MEG3: variants seen among roughly 807,000 people sequenced by gnomAD.
MEG3 encodes the protein maternally expressed 3.
At chr14:100,840,717 A>G (rs2139969701) in intron 2 of MEG3, among the ~76,000 whole-genome samples, 1 of 152,322 alleles carries the variant, frequency 6.6e-6, no homozygotes, top group African/African-American at 2.4e-5. Context: ...GTTTCTTAGC[A>G]AAGGGGAATC....
chr14:100,832,215 A>G (rs2037415945), downstream of MEG3: 2 of 152,252 alleles, frequency 1.3e-5, no homozygotes, highest in African/African-American at 4.8e-5. Context: ...AAAGAAAGCA[A>G]ATGGGAAGAA....
upstream of MEG3, chr14:100,856,640 C>T (rs2140008153): frequency 6.5e-6 from 1 of 152,788 alleles, no homozygotes; most frequent in Middle Eastern, 3.4e-3. Context: ...ATCTCTAAAC[C>T]TGGAGGGGTA....
intron 2 of MEG3, among the ~76,000 whole-genome samples, chr14:100,844,237 CT>C (rs2037846640): frequency 6.6e-6 from 1 of 152,138 alleles, no homozygotes; most frequent in African/African-American, 2.4e-5. Flanking sequence ...TGGTCTCCCC[CT>C]GGCTTCCTGT....
At chr14:100,850,660 A>T (rs1029944604) in intron 3 of MEG3, 1 of 152,132 alleles carries the variant, frequency 6.6e-6, no homozygotes, top group African/African-American at 2.4e-5. Context: ...AGGAAGAGTG[A>T]GAGGAAGAAA....
chr14:100,840,754 T>C (rs1203636849), intron 2 of MEG3, among the ~76,000 whole-genome samples: 1 of 152,142 alleles, frequency 6.6e-6, no homozygotes, highest in African/African-American at 2.4e-5. Flanking sequence ...TAAACAAAAA[T>C]TTGATCAACC....
Position 100,845,807 on chromosome 14 carries a change from C to T in MEG3, n.3121+274C>T, listed in dbSNP as rs2037902857. On this transcript the variant is annotated intron_variant and non_coding_transcript_variant, in intron 3 of 3. Transcript: ENST00000398461. The surrounding 1 kb of genome is among the most constrained non-coding windows in gnomAD (Gnocchi z 5.2). The stretch of plus-strand genomic sequence containing the variant: ...CAAATGTCGGACCCCAAAAGAATTT[C>T]TTCTTTTTCACTCTTCTAAATGAAT... The T allele has an allele frequency of 4.6e-6, 1 of 217,434 alleles. No homozygotes were observed. Among genetic ancestry groups the T allele is most frequent in the African/African-American group, 2.4e-5 (1 of 42,288 alleles). 13.5% of individuals were successfully genotyped at this position (217,434 alleles called of 1,614,324 possible).
exon 1 of MEG3, chr14:100,858,708 C>T (rs967959096): frequency 2.0e-5 from 3 of 153,166 alleles, no homozygotes; most frequent in Non-Finnish European, 2.9e-5. Context: ...ACGTGGGTCC[C>T]CTGATTCTCT....
upstream of MEG3, chr14:100,857,216 T>C (rs931287670): frequency 6.6e-6 from 1 of 152,222 alleles, no homozygotes; most frequent in Non-Finnish European, 1.5e-5. Context: ...TTGATGGAAC[T>C]TGAGCTGTCT....
chr14:100,839,194 C>T (rs79891045), intron 2 of MEG3, among the ~76,000 whole-genome samples: 4,990 of 152,174 alleles, frequency 0.033, 139 homozygotes, highest in South Asian at 0.086. Flanking sequence ...GAGACAGATT[C>T]AGGTCCCAAA....
rs1238107371 is a variant in MEG3 at position 100,828,297 on chromosome 14, A to G, written n.372-411A>G. ...TTGAGTTGCGCACACGCACACAGCT[A>G]ACACTTGTGACCTGTCAGTCAAATC... On this transcript the variant is annotated intron_variant and non_coding_transcript_variant, in intron 1 of 2. Coordinates refer to ENST00000556407, the Ensembl canonical transcript of MEG3. Among the ~76,000 whole-genome samples, 4 of 151,954 alleles carry G rather than the reference A, an allele frequency of 2.6e-5. No homozygotes were observed. The East Asian group carries it at 7.8e-4, about 30-fold the overall frequency.
intron 2 of MEG3, among the ~76,000 whole-genome samples, chr14:100,840,017 G>A (rs1018976787): frequency 2.0e-5 from 3 of 152,176 alleles, no homozygotes; most frequent in Admixed American, 6.5e-5. Flanking sequence ...CTCAGCTCGC[G>A]TCACCCCTGA....
At chr14:100,835,090 T>C (rs1220082530) in exon 1 of MEG3, 5 of 337,538 alleles carry the variant, frequency 1.5e-5, no homozygotes, top group South Asian at 7.0e-5. Flanking sequence ...TGTGGCTCCA[T>C]AGAGGTAGGC....
chr14:100,833,765 C>T (rs551435205), downstream of MEG3: 1 of 152,254 alleles, frequency 6.6e-6, no homozygotes, highest in Non-Finnish European at 1.5e-5. Flanking sequence ...ATGATTAAAT[C>T]ACTCCAATTA....
chr14:100,860,746 G>A (rs142677044), intron 1 of MEG3: 2 of 456,054 alleles, frequency 4.4e-6, no homozygotes, highest in South Asian at 3.1e-5. Flanking sequence ...GCTGGACCCA[G>A]AGACTCTGGA....
Position 100,834,631 on chromosome 14 carries a change from G to T in MEG3, n.1663G>T, listed in dbSNP as rs934263864. ...ATCTCCCTCTCTTTGTCCCTCCCCAGTTCCTGACCTGGCCATCCCGGGGTG... is the reference window on the plus strand; with the variant it reads ...ATCTCCCTCTCTTTGTCCCTCCCCATTTCCTGACCTGGCCATCCCGGGGTG... On this transcript the variant is annotated non_coding_transcript_exon_variant, in exon 1 of 4. Transcript: ENST00000398461. 4 of 454,582 alleles carry T rather than the reference G, an allele frequency of 8.8e-6. No homozygotes were observed. The highest frequency in any genetic ancestry group is 7.1e-5 in the Admixed American group (3 of 42,442). The allele number at this position is 454,582 out of a possible 1,614,324, so 28.2% of individuals were successfully genotyped here.
rs181281301 is a variant in MEG3 at position 100,837,023 on chromosome 14, C to A, written n.3045+723C>A. 4.8e-3 allele frequency among the ~76,000 whole-genome samples: 733 copies of A among 152,304 alleles called. 9 individuals are homozygous for A. The highest frequency in any genetic ancestry group is 3.9e-3 in the Non-Finnish European group (268 of 68,028). On this transcript the variant is annotated intron_variant and non_coding_transcript_variant, in intron 2 of 3. Transcript: ENST00000398461. The surrounding 1 kb of genome is among the most constrained non-coding windows in gnomAD (Gnocchi z 5.8). ...TACTAATTCAAGATGCAGCCGGGAGCCGTCCAGGGCTCGGGCCTGGGGTTG... is the reference window on the plus strand; with the variant it reads ...TACTAATTCAAGATGCAGCCGGGAGACGTCCAGGGCTCGGGCCTGGGGTTG...
rs1459346033 is a variant in MEG3, at chr14:100,845,522, C to T, written n.3110C>T. On this transcript the variant is annotated non_coding_transcript_exon_variant, in exon 3 of 4. Coordinates refer to the MEG3 transcript ENST00000398461. This position sits in a 1 kb window ranked among gnomAD's most constrained non-coding sequence, Gnocchi z 5.2. ...CGAATGTGGGACCCCAGCCCCTCTCCAGCTCGAAATCGTAAGTGGCTGGAG... is the reference window on the plus strand; with the variant it reads ...CGAATGTGGGACCCCAGCCCCTCTCTAGCTCGAAATCGTAAGTGGCTGGAG... The T allele has an allele frequency of 2.2e-6, 1 of 456,646 alleles. No individual in the cohort carries two copies. Among genetic ancestry groups the T allele is most frequent in the African/African-American group, 2.0e-5 (1 of 50,092 alleles). The allele number at this position is 456,646 out of a possible 1,614,324, so 28.3% of individuals were successfully genotyped here. A position where few individuals can be genotyped will look rare whatever the true frequency, so the allele number is the denominator to read the frequency against.
intron 2 of MEG3, among the ~76,000 whole-genome samples, chr14:100,840,297 T>C (rs991734081): frequency 6.6e-6 from 1 of 152,126 alleles, no homozygotes; most frequent in African/African-American, 2.4e-5. Flanking sequence ...GAGCAGTGAA[T>C]AGGGTCTTTG....
intron 2 of MEG3, among the ~76,000 whole-genome samples, chr14:100,840,232 C>G (rs1295483532): frequency 6.6e-6 from 1 of 152,196 alleles, no homozygotes; most frequent in Non-Finnish European, 1.5e-5. Flanking sequence ...GTTCTTAAGT[C>G]CCCTATCCTG....
Sources: allele counts gnomAD v4.1 joint callset (sites outside exome capture counted in the v4.1 genomes callset), GRCh38; gene constraint gnomAD v4.1.1; non-coding constraint Gnocchi (gnomAD v3.1); transcripts MANE v1.5; gene names NCBI Gene and HGNC (gene_info 2026-07-23, HGNC 2026-07-21).